Variants in BCHE observed in about 807,000 individuals in gnomAD.
BCHE encodes the protein butyrylcholinesterase, also known as cholinesterase.
Under a neutral mutation model 51.3 loss-of-function variants are expected in BCHE, and 48 were observed. That is an observed-to-expected ratio of 0.94 (90% CI 0.74 to 1.19). The LOEUF is 1.19. Ranked by LOEUF, BCHE falls within the 50% of genes most tolerant of loss-of-function variation. BCHE has a pLI of 0.00. For missense variants in BCHE, 847 were observed against 708.2 expected, an observed-to-expected ratio of 1.20 and a Z score of -2.23; for synonymous variants, 251 against 238.0, an observed-to-expected ratio of 1.05 and a Z score of -0.50.
At chr3:165,800,731 A>T (rs1478125777) in intron 2 of BCHE, among the ~76,000 whole-genome samples, 2 of 152,124 alleles carry the variant, frequency 1.3e-5, no homozygotes, top group Non-Finnish European at 2.9e-5. Flanking sequence ...AAGAAACTGA[A>T]CTGACTTTTT....
chr3:165,817,443 C>A (rs966110984), intron 2 of BCHE, among the ~76,000 whole-genome samples: 1 of 151,978 alleles, frequency 6.6e-6, no homozygotes, highest in African/African-American at 2.4e-5. Context: ...GAAACTCATC[C>A]AAGCTTCAAA....
chr3:165,814,071 C>T (rs953401348), intron 2 of BCHE, among the ~76,000 whole-genome samples: 1 of 151,880 alleles, frequency 6.6e-6, no homozygotes, highest in Non-Finnish European at 1.5e-5. Flanking sequence ...TAGGTAGTAT[C>T]CCTCATATTA....
intron 2 of BCHE, among the ~76,000 whole-genome samples, chr3:165,792,713 A>C (rs2108207411): frequency 6.6e-6 from 1 of 152,326 alleles, no homozygotes. Flanking sequence ...TGTATGTATC[A>C]CCATTTTAAT....
At chr3:165,786,546 A>G (rs533961079) in intron 2 of BCHE, among the ~76,000 whole-genome samples, 136 of 151,886 alleles carry the variant, frequency 9.0e-4, no homozygotes, top group African/African-American at 3.2e-3. Context: ...TTTTATATGC[A>G]TTTCTGCTTA....
chr3:165,799,935 A>G (rs1023418879), intron 2 of BCHE, among the ~76,000 whole-genome samples: 2 of 152,090 alleles, frequency 1.3e-5, no homozygotes, highest in Non-Finnish European at 2.9e-5. Flanking sequence ...GATCATTAGT[A>G]AGTTAAAAAT....
chr3:165,802,424 T>C (rs902004147), intron 2 of BCHE, among the ~76,000 whole-genome samples: 5 of 152,028 alleles, frequency 3.3e-5, no homozygotes, highest in African/African-American at 1.2e-4. Context: ...TGCTCCAACA[T>C]AGGGAGGAGA....
At chr3:165,778,512 C>A (rs931864080) in intron 3 of BCHE, 3 of 236,936 alleles carry the variant, frequency 1.3e-5, no homozygotes, top group Non-Finnish European at 2.8e-5. Context: ...AATTTAAATT[C>A]TTTAGCATGA....
intron 3 of BCHE, among the ~76,000 whole-genome samples, chr3:165,782,974 A>G (rs1013262314): frequency 3.3e-5 from 5 of 152,058 alleles, no homozygotes; most frequent in Admixed American, 6.6e-5. Flanking sequence ...GGATGTCAAC[A>G]TATGAATTTT....
chr3:165,807,254 C>T, intron 2 of BCHE, among the ~76,000 whole-genome samples: 1 of 151,624 alleles, frequency 6.6e-6, no homozygotes, highest in East Asian at 1.9e-4. Flanking sequence ...GTTTGTCTAC[C>T]TTTCTGACAT....
intron 2 of BCHE, among the ~76,000 whole-genome samples, chr3:165,815,243 T>G (rs1244771445): frequency 2.2e-5 from 1 of 45,494 alleles, no homozygotes; most frequent in Non-Finnish European, 6.8e-5. Flanking sequence ...ACACTTTGAT[T>G]TTAGAAAAAA....
In BCHE at chr3:165,829,702, G is replaced by T. The variant is rs756136656; in HGVS notation, c.1332C>A (p.Ala444=). ...ATCGGTGTTCAAAATAGTAGAAAAAGGCATTATTTCCCCATTCTGAGAACT... is the reference window on the plus strand; with the variant it reads ...ATCGGTGTTCAAAATAGTAGAAAAATGCATTATTTCCCCATTCTGAGAACT... The part of the protein sequence containing the change: ...TKKFSEWGNN[A]FFYYFEHRSS... The change falls in exon 2 of 4, where the codon GCC becomes GCA. Residue 444 remains alanine, a synonymous_variant. Transcript: ENST00000264381. 3.7e-6 allele frequency: 6 copies of T among 1,613,648 alleles called. No individual in the cohort carries two copies. In the African/African-American group the frequency reaches 4.0e-5, roughly 11 times the overall value.
At chr3:165,806,431 GT>G (rs1713867015) in intron 2 of BCHE, among the ~76,000 whole-genome samples, 1 of 152,060 alleles carries the variant, frequency 6.6e-6, no homozygotes, top group Admixed American at 6.6e-5. Flanking sequence ...TCATTATGTG[GT>G]TTGGTAAATT....
chr3:165,790,376 C>T (rs913287447), intron 2 of BCHE, among the ~76,000 whole-genome samples: 1 of 152,150 alleles, frequency 6.6e-6, no homozygotes, highest in African/African-American at 2.4e-5. Context: ...TCTCTGAGGA[C>T]AGAGAAGTTT....
intron 2 of BCHE, among the ~76,000 whole-genome samples, chr3:165,807,546 A>AT (rs1265669741): frequency 3.3e-5 from 5 of 150,392 alleles, no homozygotes; most frequent in African/African-American, 1.2e-4. Flanking sequence ...TTATTTATTT[A>AT]TTTTTATTTA....
rs371869257 is a variant in BCHE at position 165,786,285 on chromosome 3, C to G, written c.1544G>C (p.Ser515Thr). Reference protein sequence around the residue: ...YGNPNETQNNSTSWPVFKSTE... With the variant: ...YGNPNETQNNTTSWPVFKSTE... The stretch of plus-strand genomic sequence containing the variant: ...GCTTTTGAAGACAGGCCAGCTTGTG[C>G]TATTGTTCTGAGTCTCATTTGGATT... The change falls in exon 3 of 4, where the codon AGC becomes ACC. Residue 515 changes from serine to threonine, a missense_variant. Coordinates refer to ENST00000264381, the MANE Select transcript of BCHE (RefSeq NM_000055.4). 8.1e-6 allele frequency: 13 copies of G among 1,611,442 alleles called. No homozygotes were observed. The African/African-American group carries it at 1.7e-4, about 22-fold the overall frequency.
At chr3:165,802,484 A>T (rs1342192061) in intron 2 of BCHE, among the ~76,000 whole-genome samples, 1 of 152,152 alleles carries the variant, frequency 6.6e-6, no homozygotes, top group Non-Finnish European at 1.5e-5. Flanking sequence ...TATTGTAGTA[A>T]ACCAGAAAAC....
intron 2 of BCHE, among the ~76,000 whole-genome samples, chr3:165,827,138 A>C (rs1428120810): frequency 6.6e-6 from 1 of 152,160 alleles, no homozygotes; most frequent in Non-Finnish European, 1.5e-5. Flanking sequence ...TTAATTATTC[A>C]AAGCTTCTAT....
At position 165,786,311 on chromosome 3, in the gene BCHE, C is replaced by A. The variant is rs755486397; in HGVS notation, c.1518G>T (p.Gly506=). 9 of 1,608,334 alleles carry A rather than the reference C, an allele frequency of 5.6e-6. No homozygotes were observed. In the South Asian group the frequency reaches 7.7e-5, roughly 14 times the overall value. The stretch of plus-strand genomic sequence containing the variant: ...TATTGTTCTGAGTCTCATTTGGATT[C>A]CTAAATAATAAAATAGAGACATTAT... ...VKRWANFAKY[G]NPNETQNNST... The change falls in exon 3 of 4, where the codon GGG becomes GGT. Residue 506 remains glycine (G), a splice_region_variant and synonymous_variant. Coordinates refer to ENST00000264381, the MANE Select transcript of BCHE (RefSeq NM_000055.4).
At chr3:165,782,392 C>A (rs1335458228) in intron 3 of BCHE, among the ~76,000 whole-genome samples, 2 of 151,870 alleles carry the variant, frequency 1.3e-5, no homozygotes, top group Non-Finnish European at 2.9e-5. Flanking sequence ...AGGGAATAGT[C>A]GTGGAAGGCA....
Sources: gnomAD v4.1 joint callset for allele counts (sites outside exome capture counted in the v4.1 genomes callset) on GRCh38, gnomAD v4.1.1 for gene constraint, MANE v1.5 for transcripts, NCBI Gene and HGNC (gene_info 2026-07-23, HGNC 2026-07-21) for gene names.